The following CSMD1 variants were observed in gnomAD, a reference collection of about 807,000 sequenced individuals.
The protein encoded by CSMD1 is CUB and sushi domain-containing protein 1.
In CSMD1, 213 loss-of-function variants were observed where a neutral mutation model predicts 417.5. The ratio of observed to expected loss-of-function variants is 0.51; its 90% CI spans 0.46 to 0.57. The LOEUF (loss-of-function observed/expected upper bound fraction) is 0.57. Ranked by LOEUF, CSMD1 falls within the 20% of genes least tolerant of loss-of-function variation. CSMD1 has a pLI of 0.00. For synonymous variants in CSMD1, 2,862 were observed against 1,736.8 expected (o/e 1.65, Z -16.11); for missense variants, 6,923 against 4,529.7 (o/e 1.53, Z -15.17).
chr8:4,562,085 G>A (rs532667376), intron 2 of CSMD1, among the ~76,000 whole-genome samples: 2 of 152,030 alleles, frequency 1.3e-5, no homozygotes, highest in Non-Finnish European at 2.9e-5. Flanking sequence ...GAAGAAGATG[G>A]AAATATGTTC....
intron 1 of CSMD1, among the ~76,000 whole-genome samples, chr8:4,711,671 TAA>T (rs11321928): frequency 3.3e-5 from 5 of 151,948 alleles, no homozygotes; most frequent in Admixed American, 3.3e-4. Context: ...TAGGTAAATT[TAA>T]AAAAAAAATC....
At chr8:4,775,499 A>G (rs1796808350) in intron 1 of CSMD1, among the ~76,000 whole-genome samples, 1 of 152,238 alleles carries the variant, frequency 6.6e-6, no homozygotes, top group Non-Finnish European at 1.5e-5. Flanking sequence ...ATAAGCAATC[A>G]TTTTCCTTGT....
chr8:3,470,952 T>G (rs990587722), intron 11 of CSMD1, among the ~76,000 whole-genome samples: 6 of 152,180 alleles, frequency 3.9e-5, no homozygotes, highest in African/African-American at 1.4e-4. Flanking sequence ...ATACTAGTTT[T>G]GGCAGATGAC....
intron 3 of CSMD1, among the ~76,000 whole-genome samples, chr8:4,307,142 C>A (rs1015442068): frequency 6.6e-6 from 1 of 152,088 alleles, no homozygotes; most frequent in Non-Finnish European, 1.5e-5. Context: ...TACTGAGTTC[C>A]CATTTCTACT....
At chr8:4,741,175 GTAA>G (rs1810580586) in intron 1 of CSMD1, among the ~76,000 whole-genome samples, 1 of 151,864 alleles carries the variant, frequency 6.6e-6, no homozygotes, top group South Asian at 2.2e-4. Context: ...AGACACTTAT[GTAA>G]GTGTCAGAGG....
At chr8:4,470,881 T>A (rs964090268) in intron 2 of CSMD1, among the ~76,000 whole-genome samples, 24 of 152,338 alleles carry the variant, frequency 1.6e-4, no homozygotes, top group Admixed American at 5.2e-4. Context: ...GAATTATTTT[T>A]AAGTAACTCT....
At chr8:4,561,118 T>C (rs773587843) in intron 2 of CSMD1, among the ~76,000 whole-genome samples, 1 of 152,150 alleles carries the variant, frequency 6.6e-6, no homozygotes, top group Admixed American at 6.6e-5. Flanking sequence ...ACATCTGTAA[T>C]TCCAGTAATT....
intron 5 of CSMD1, among the ~76,000 whole-genome samples, chr8:3,933,119 T>A (rs1810268443): frequency 7.1e-6 from 1 of 140,850 alleles, no homozygotes; most frequent in Non-Finnish European, 1.6e-5. Context: ...ATCTGGTTTA[T>A]ATATTTTGAT....
intron 26 of CSMD1, among the ~76,000 whole-genome samples, chr8:3,267,471 A>T (rs1034334490): frequency 6.6e-6 from 1 of 152,152 alleles, no homozygotes; most frequent in African/African-American, 2.4e-5. Flanking sequence ...ACACTGGTAA[A>T]CAAGCTGCCA....
chr8:4,253,513 G>C (rs1477479563), intron 3 of CSMD1, among the ~76,000 whole-genome samples: 3 of 152,014 alleles, frequency 2.0e-5, no homozygotes, highest in African/African-American at 7.3e-5. Flanking sequence ...TAAGCCCCTG[G>C]GATAGAGAAA....
chr8:4,221,090 T>A (rs1420964077), intron 3 of CSMD1, among the ~76,000 whole-genome samples: 3 of 152,134 alleles, frequency 2.0e-5, no homozygotes, highest in Non-Finnish European at 4.4e-5. Flanking sequence ...TCACTTCATT[T>A]AAACAAGAGA....
chr8:4,739,864 G>A (rs1326353242), intron 1 of CSMD1, among the ~76,000 whole-genome samples: 1 of 152,034 alleles, frequency 6.6e-6, no homozygotes, highest in African/African-American at 2.4e-5. Flanking sequence ...ACTCTTCCCA[G>A]AGGGATCTTT....
intron 17 of CSMD1, among the ~76,000 whole-genome samples, chr8:3,394,539 T>C (rs1447357): frequency 0.67 from 101,430 of 151,808 alleles, 34,648 homozygotes; most frequent in African/African-American, 0.81. Context: ...GGAAAAGTGT[T>C]CTAATATTTG....
At chr8:3,898,830 T>C (rs1459771072) in intron 5 of CSMD1, among the ~76,000 whole-genome samples, 2 of 152,194 alleles carry the variant, frequency 1.3e-5, no homozygotes, top group Admixed American at 6.5e-5. Flanking sequence ...TCATCAATTA[T>C]TTATTGATTT....
At chr8:4,298,171 A>G (rs1382070888) in intron 3 of CSMD1, among the ~76,000 whole-genome samples, 3 of 152,168 alleles carry the variant, frequency 2.0e-5, no homozygotes, top group Non-Finnish European at 4.4e-5. Flanking sequence ...GAAAAACATA[A>G]TTTTGAGGAA....
intron 1 of CSMD1, among the ~76,000 whole-genome samples, chr8:4,861,959 A>G (rs1563615709): frequency 1.3e-5 from 2 of 152,124 alleles, no homozygotes; most frequent in South Asian, 2.1e-4. Flanking sequence ...ATAAATAAAT[A>G]TATAGAATAT....
At chr8:3,991,687 A>G (rs1523255) in intron 5 of CSMD1, among the ~76,000 whole-genome samples, 40,263 of 152,014 alleles carry the variant, frequency 0.26, 5,802 homozygotes, top group African/African-American at 0.37. Flanking sequence ...AAATTCTAGG[A>G]TGAGAGTGGA....
intron 20 of CSMD1, among the ~76,000 whole-genome samples, chr8:3,366,178 C>T (rs74654410): frequency 1.3e-3 from 193 of 152,210 alleles, no homozygotes; most frequent in African/African-American, 4.3e-3. Flanking sequence ...TGCACAAATG[C>T]AAGTTAATAT....
chr8:3,781,691 G>A (rs911384039), intron 5 of CSMD1, among the ~76,000 whole-genome samples: 1 of 152,196 alleles, frequency 6.6e-6, no homozygotes, highest in Non-Finnish European at 1.5e-5. Context: ...CTGGACTCCA[G>A]CCTACGGAGG....
Sources: gnomAD v4.1 joint callset for allele counts (sites outside exome capture counted in the v4.1 genomes callset) on GRCh38, gnomAD v4.1.1 for gene constraint, MANE v1.5 for transcripts, NCBI Gene and HGNC (gene_info 2026-07-23, HGNC 2026-07-21) for gene names.